CD109: variants seen among roughly 807,000 people sequenced by gnomAD.
The protein encoded by CD109 is CD109 antigen.
Under a neutral mutation model 165.8 loss-of-function variants are expected in CD109, and 149 were observed. The ratio of observed to expected loss-of-function variants is 0.90; its 90% CI spans 0.79 to 1.03. The LOEUF (loss-of-function observed/expected upper bound fraction) is 1.03, where lower values mean the gene tolerates loss of function less well. CD109 is among the 50% of genes least tolerant of loss of function. The pLI is 0.00. For missense variants in CD109, 1,712 were observed against 1,677.8 expected (o/e 1.02, Z -0.36); for synonymous variants, 585 against 592.1 (o/e 0.99, Z 0.18).
At chr6:73,700,252 A>AT (rs34683764) in intron 2 of CD109, among the ~76,000 whole-genome samples, 49 of 147,180 alleles carry the variant, frequency 3.3e-4, no homozygotes, top group Middle Eastern at 3.4e-3. Flanking sequence ...TAGGTTTAAA[A>AT]TTTTTTTTTT....
chr6:73,701,656 A>C (rs936155948), intron 2 of CD109, among the ~76,000 whole-genome samples: 1 of 152,208 alleles, frequency 6.6e-6, no homozygotes, highest in Non-Finnish European at 1.5e-5. Flanking sequence ...CTCTTGCTAC[A>C]ATTTGACATT....
intron 7 of CD109, among the ~76,000 whole-genome samples, chr6:73,759,777 A>G (rs1189795589): frequency 6.6e-6 from 1 of 152,218 alleles, no homozygotes; most frequent in Non-Finnish European, 1.5e-5. Context: ...TTAGCACGAT[A>G]CAAGTAGAGT....
chr6:73,724,175 C>A (rs962499240), intron 3 of CD109, among the ~76,000 whole-genome samples: 1 of 151,652 alleles, frequency 6.6e-6, no homozygotes. Context: ...TTTTGGTACC[C>A]CCTTAAATTT....
At chr6:73,738,544 G>A (rs1772632256) in intron 5 of CD109, among the ~76,000 whole-genome samples, 1 of 152,194 alleles carries the variant, frequency 6.6e-6, no homozygotes, top group East Asian at 1.9e-4. Context: ...AATAGCAGAG[G>A]GAGACTTTGC....
At chr6:73,791,198 T>TATATATATATATATACACATAC (rs1774946728) in intron 22 of CD109, among the ~76,000 whole-genome samples, 3 of 103,770 alleles carry the variant, frequency 2.9e-5, no homozygotes, top group African/African-American at 1.4e-4. Context: ...CATACATATA[T>TATATATATATATATACACATAC]ATATATATAT....
chr6:73,744,168 A>C (rs1415468219), intron 5 of CD109, among the ~76,000 whole-genome samples: 1 of 152,252 alleles, frequency 6.6e-6, no homozygotes, highest in South Asian at 2.1e-4. Context: ...TTATCTTCAG[A>C]TATTTAAAAA....
At chr6:73,785,906 G>A (rs763779217) in intron 20 of CD109, among the ~76,000 whole-genome samples, 3 of 150,950 alleles carry the variant, frequency 2.0e-5, no homozygotes, top group Non-Finnish European at 2.9e-5. Flanking sequence ...GTGCAGTGGC[G>A]TGATCTCGGC....
intron 32 of CD109, 24 bp downstream of exon 32, chr6:73,820,587 A>G (rs781597888): frequency 1.5e-6 from 2 of 1,320,724 alleles, no homozygotes; most frequent in South Asian, 1.3e-5. Context: ...GGAGTTCTTA[A>G]TACTTTAGAA....
upstream of CD109, among the ~76,000 whole-genome samples, chr6:73,691,619 G>A (rs908433715): frequency 6.6e-6 from 1 of 152,164 alleles, no homozygotes; most frequent in Non-Finnish European, 1.5e-5. Context: ...ATGGACATGG[G>A]TTCCACTTCT....
chr6:73,696,438 C>G (rs1770846039), intron 1 of CD109, 149 bp downstream of exon 1: 4 of 589,764 alleles, frequency 6.8e-6, no homozygotes. Flanking sequence ...TGGTACTGGC[C>G]TGGAGGTTTG....
chr6:73,771,510 A>G lies in CD109; in HGVS notation c.1756A>G (p.Ile586Val), dbSNP rs200189270. 134 of 1,611,158 alleles carry G rather than the reference A, an allele frequency of 8.3e-5. 1 individual carries two copies. The highest frequency in any genetic ancestry group is 4.5e-4 in the South Asian group (41 of 90,414). ...LRISVTQPDS[I>V]VGIVAVDKSV... Reference sequence around the variant, plus strand: ...GATCTCTGTGACACAGCCTGACTCCATAGTTGGGATTGTAGCTGTTGACAA... The same window carrying G: ...GATCTCTGTGACACAGCCTGACTCCGTAGTTGGGATTGTAGCTGTTGACAA... Residue 586 changes from isoleucine to valine, a missense_variant, in exon 15 of 33, where the codon ATA becomes GTA. Coordinates refer to ENST00000287097, the MANE Select transcript of CD109 (RefSeq NM_133493.5).
At chr6:73,718,107 C>CTT (rs1211968477) in intron 2 of CD109, among the ~76,000 whole-genome samples, 1 of 151,904 alleles carries the variant, frequency 6.6e-6, no homozygotes, top group African/African-American at 2.4e-5. Context: ...GCCTGGGAGT[C>CTT]TGAGACCAGC....
chr6:73,794,729 C>T, intron 23 of CD109, among the ~76,000 whole-genome samples: 1 of 152,036 alleles, frequency 6.6e-6, no homozygotes. Flanking sequence ...GTATATTTTC[C>T]CTTAGATTAG....
intron 2 of CD109, among the ~76,000 whole-genome samples, 163 bp downstream of exon 2, chr6:73,697,735 A>G (rs533495267): frequency 6.6e-6 from 1 of 152,272 alleles, no homozygotes; most frequent in South Asian, 2.1e-4. Context: ...GTGTTCCTGG[A>G]TGCTCTTCCA....
At chr6:73,763,729 C>A in intron 10 of CD109, 44 bp downstream of exon 10, 1 of 970,754 alleles carries the variant, frequency 1.0e-6, no homozygotes, top group South Asian at 1.9e-5. Flanking sequence ...GTAAGTTCAG[C>A]TTAATGAAAT....
At chr6:73,771,047 A>G (rs1562058318) in intron 14 of CD109, among the ~76,000 whole-genome samples, 2 of 152,164 alleles carry the variant, frequency 1.3e-5, no homozygotes, top group African/African-American at 4.8e-5. Context: ...CGTCACCAAC[A>G]TGTAGGCATC....
intron 7 of CD109, among the ~76,000 whole-genome samples, chr6:73,761,265 A>C (rs1255571283): frequency 6.6e-6 from 1 of 152,180 alleles, no homozygotes; most frequent in Non-Finnish European, 1.5e-5. Context: ...GACATTTAAA[A>C]ATCTTCTAAA....
At chr6:73,763,710 T>A (rs764880001) in intron 10 of CD109, 25 bp downstream of exon 10, 1 of 1,173,314 alleles carries the variant, frequency 8.5e-7, no homozygotes, top group South Asian at 1.5e-5. Flanking sequence ...TTATTTCCAG[T>A]CCATAGCAGT....
At chr6:73,770,958 G>T (rs925712967) in intron 14 of CD109, among the ~76,000 whole-genome samples, 2 of 152,126 alleles carry the variant, frequency 1.3e-5, no homozygotes, top group Admixed American at 1.3e-4. Context: ...CACTCCCTTG[G>T]AAAGGCCACC....
Sources: allele counts gnomAD v4.1 joint callset (sites outside exome capture counted in the v4.1 genomes callset), GRCh38; gene constraint gnomAD v4.1.1; transcripts MANE v1.5; gene names NCBI Gene and HGNC (gene_info 2026-07-23, HGNC 2026-07-21).